Variants in SLC5A10 observed in about 807,000 individuals in gnomAD.
SLC5A10 encodes the protein sodium/mannose cotransporter SLC5A10.
Under a neutral mutation model 68.9 loss-of-function variants are expected in SLC5A10, and 55 were observed. The ratio of observed to expected loss-of-function variants is 0.80; its 90% CI spans 0.64 to 1.00. The LOEUF is 1.00. Among genes scored for constraint, SLC5A10 ranks in the 50% least tolerant of loss-of-function variants. The pLI is 0.00. For synonymous variants in SLC5A10, 344 were observed against 344.8 expected (o/e 1.00, Z 0.02); for missense variants, 732 against 819.3 (o/e 0.89, Z 1.30).
intron 9 of SLC5A10, among the ~76,000 whole-genome samples, chr17:18,994,452 A>C (rs762664680): frequency 3.3e-5 from 5 of 152,110 alleles, no homozygotes; most frequent in Non-Finnish European, 7.3e-5. Context: ...GCACAGAGTG[A>C]ACTCCAGAGA....
chr17:19,019,627 C>T lies in SLC5A10; in HGVS notation c.1410+36C>T, dbSNP rs1336540056. On this transcript the variant is annotated intron_variant, in intron 12 of 14. Transcript: ENST00000395645. ...GCGGTCTGCTCTCCCTGGGGACGTG[C>T]CACAATTTGCTCTTCCCTGCTGCCT... The T allele has an allele frequency of 3.1e-6, 5 of 1,605,230 alleles. No individual in the cohort carries two copies. The Admixed American group carries it at 5.0e-5, about 16-fold the overall frequency.
At chr17:18,950,788 T>G (rs2042357835), upstream of SLC5A10, 1 of 659,690 alleles carries the variant, frequency 1.5e-6, no homozygotes, top group African/African-American at 2.0e-5. Context: ...CAGTCTTGGC[T>G]CACTGCAATC....
In SLC5A10 at chr17:19,003,973, AG is replaced by A. The variant is rs753094870; in HGVS notation, c.983-9435del. 1 of 1,612,706 alleles carries A rather than the reference AG, an allele frequency of 6.2e-7. No homozygotes were observed. On this transcript the variant is annotated intron_variant, in intron 9 of 14. Transcript: ENST00000395645. The surrounding 1 kb of genome is among the most constrained non-coding windows in gnomAD (Gnocchi z 4.5). ...GCTGCTCCTCGCTGTAGAAGAACTC[AG>A]GCTTGGACTCGCTGGAGCGCCAGTT...
At chr17:18,983,659 A>G (rs976989287) in intron 9 of SLC5A10, among the ~76,000 whole-genome samples, 6 of 152,188 alleles carry the variant, frequency 3.9e-5, no homozygotes, top group Admixed American at 2.6e-4. Flanking sequence ...GCAGGCCTCC[A>G]GCAGCCTCTA....
chr17:18,971,027 G>T lies in SLC5A10; in HGVS notation c.655G>T (p.Gly219Cys). 6.2e-7 allele frequency: 1 copy of T among 1,613,942 alleles called. No individual in the cohort carries two copies. The highest frequency in any genetic ancestry group is 8.5e-7 in the Non-Finnish European group (1 of 1,180,020). Residue 219 changes from glycine (G) to cysteine (C), a missense_variant, in exon 8 of 15, where the codon GGT becomes TGT. Transcript: ENST00000395645. The surrounding 1 kb of genome is among the most constrained non-coding windows in gnomAD (Gnocchi z 5.5). ...ILTIKAFDQI[G>C]GYGQLEAAYA... The stretch of plus-strand genomic sequence containing the variant: ...GACCCCTCCAGCTTTTGACCAGATC[G>T]GTGGTTACGGGCAGCTGGAGGCAGC...
intron 1 of SLC5A10, among the ~76,000 whole-genome samples, chr17:18,955,921 G>A (rs773711108): frequency 5.9e-5 from 9 of 152,228 alleles, no homozygotes; most frequent in African/African-American, 9.6e-5. Flanking sequence ...TAGGCCGGGC[G>A]CGGTGGCTCA....
chr17:19,017,168 G>A lies in SLC5A10; in HGVS notation c.1241+1969G>A. ...CAAGGCACAAGGCTGCGTGGTGCAG[G>A]GCAGGTTGCTCACCCTCTCTGGGCC... On this transcript the variant is annotated intron_variant, in intron 11 of 14. Coordinates refer to ENST00000395645, the MANE Select transcript of SLC5A10 (RefSeq NM_001042450.4). The surrounding 1 kb of genome is among the most constrained non-coding windows in gnomAD (Gnocchi z 5.6). 3 of 866,410 alleles carry A rather than the reference G, an allele frequency of 3.5e-6. No individual in the cohort carries two copies. The highest frequency in any genetic ancestry group is 2.1e-5 in the Admixed American group (1 of 46,870). 53.7% of individuals were successfully genotyped at this position (866,410 alleles called of 1,614,324 possible). A position where few individuals can be genotyped will look rare whatever the true frequency, so the allele number is the denominator to read the frequency against.
At chr17:19,002,386 C>G (rs963074273) in intron 9 of SLC5A10, among the ~76,000 whole-genome samples, 1 of 152,236 alleles carries the variant, frequency 6.6e-6, no homozygotes, top group African/African-American at 2.4e-5. Flanking sequence ...CCAGGGGCCA[C>G]CTCACCAGTT....
chr17:19,001,272 T>C (rs1383032937), intron 9 of SLC5A10, among the ~76,000 whole-genome samples: 2 of 152,168 alleles, frequency 1.3e-5, no homozygotes, highest in African/African-American at 4.8e-5. Context: ...GGGGCTTGGC[T>C]CACCACAATG....
At chr17:18,999,861 AG>A (rs1317922643) in intron 9 of SLC5A10, among the ~76,000 whole-genome samples, 7 of 152,248 alleles carry the variant, frequency 4.6e-5, no homozygotes, top group Non-Finnish European at 7.3e-5. Context: ...CTGTGAAATA[AG>A]GAAGGTGTGA....
chr17:19,008,816 T>A (rs11078427), intron 9 of SLC5A10, among the ~76,000 whole-genome samples: 85,336 of 120,546 alleles, frequency 0.71, 29,784 homozygotes, highest in Admixed American at 0.77. Flanking sequence ...TATTATTATT[T>A]TTTTTTTTTT....
chr17:19,003,038 G>A lies in SLC5A10; in HGVS notation c.983-10372G>A, dbSNP rs1448706968. On this transcript the variant is annotated intron_variant, in intron 9 of 14. Transcript: ENST00000395645. This position sits in a 1 kb window ranked among gnomAD's most constrained non-coding sequence, Gnocchi z 4.5. ...AGTTGCTCAGCACAGCTAGGAAACA[G>A]GCAGTGTTGAACAAGGACCTCCAGG... 1.3e-5 allele frequency among the ~76,000 whole-genome samples: 2 copies of A among 152,098 alleles called. No individual in the cohort carries two copies. The highest frequency in any genetic ancestry group is 2.9e-5 in the Non-Finnish European group (2 of 68,020).
rs2044159738 is a variant in SLC5A10, at chr17:19,017,300, A to G, written c.1241+2101A>G. On this transcript the variant is annotated intron_variant, in intron 11 of 14. Coordinates refer to ENST00000395645, the MANE Select transcript of SLC5A10 (RefSeq NM_001042450.4). The surrounding 1 kb of genome is among the most constrained non-coding windows in gnomAD (Gnocchi z 5.6). ...CTCTTACAGCACTGGGATACCCTCA[A>G]CACCCCCAGCCCCTCAAAGCCGTCT... The G allele has an allele frequency of 1.3e-6, 2 of 1,551,544 alleles. No individual in the cohort carries two copies. The highest frequency in any genetic ancestry group is 3.9e-5 in the Admixed American group (2 of 50,926).
chr17:18,992,028 C>T (rs1322995985), intron 9 of SLC5A10, among the ~76,000 whole-genome samples: 1 of 152,108 alleles, frequency 6.6e-6, no homozygotes, highest in African/African-American at 2.4e-5. Context: ...GGGCACTCCT[C>T]CAGTGAGCCA....
Position 18,952,211 on chromosome 17 carries a change from C to A in SLC5A10, c.6C>A (p.Ala2=). 1 of 1,612,302 alleles carries A rather than the reference C, an allele frequency of 6.2e-7. No homozygotes were observed. Among genetic ancestry groups the A allele is most frequent in the East Asian group, 2.2e-5 (1 of 44,740 alleles). M[A]ANSTSDLHTP... is the part of the protein sequence containing the mutation. ...GTGCCTGCGGCAGGACAGCCATGGCCGCCAACTCCACCAGCGACCTCCACA... is the reference window on the plus strand; with the variant it reads ...GTGCCTGCGGCAGGACAGCCATGGCAGCCAACTCCACCAGCGACCTCCACA... The change falls in exon 1 of 15, where the codon GCC becomes GCA. Residue 2 remains alanine (A), a synonymous_variant. Transcript: ENST00000395645.
rs2042761427 is a variant in SLC5A10, at chr17:18,968,700, A to C, written c.454-352A>C. 2 of 264,516 alleles carry C rather than the reference A, an allele frequency of 7.6e-6. No individual in the cohort carries two copies. Among genetic ancestry groups the C allele is most frequent in the Non-Finnish European group, 1.4e-5 (2 of 139,160 alleles). The allele number at this position is 264,516 out of a possible 1,614,324, so 16.4% of individuals were successfully genotyped here. On this transcript the variant is annotated intron_variant, in intron 5 of 14. Transcript: ENST00000395645. The surrounding 1 kb of genome is among the most constrained non-coding windows in gnomAD (Gnocchi z 4.1). ...CTACTGGTCTTCACAGACTCCTCAC[A>C]AACTCATCAAGGTGCCCCTGGGAAC... is the stretch of plus-strand genomic sequence containing the variant.
At chr17:18,979,110 C>A (rs776954390) in intron 9 of SLC5A10, 19 of 560,114 alleles carry the variant, frequency 3.4e-5, no homozygotes, top group African/African-American at 9.4e-5. Context: ...ATTCACTAAG[C>A]AGCTCAGGAA....
chr17:19,005,112 T>C (rs2043847323), intron 9 of SLC5A10, among the ~76,000 whole-genome samples: 1 of 152,068 alleles, frequency 6.6e-6, no homozygotes, highest in East Asian at 1.9e-4. Context: ...GGGAAGTCCG[T>C]GCGGCTGTAT....
chr17:18,994,810 A>G (rs1820245502), intron 9 of SLC5A10, among the ~76,000 whole-genome samples: 1 of 152,228 alleles, frequency 6.6e-6, no homozygotes, highest in Non-Finnish European at 1.5e-5. Context: ...CTCTGTCACA[A>G]CTACTCAAAT....
Sources: allele counts gnomAD v4.1 joint callset (sites outside exome capture counted in the v4.1 genomes callset), GRCh38; gene constraint gnomAD v4.1.1; non-coding constraint Gnocchi (gnomAD v3.1); transcripts MANE v1.5; gene names NCBI Gene and HGNC (gene_info 2026-07-23, HGNC 2026-07-21).